Variants in MAF observed in about 807,000 individuals in gnomAD.
The protein encoded by MAF is MAF bZIP transcription factor.
MAF carries 10 observed loss-of-function variants against 22.0 expected under a neutral mutation model. The ratio of observed to expected loss-of-function variants is 0.45; its 90% confidence interval spans 0.28 to 0.77. The LOEUF is 0.77. MAF is among the 30% of genes least tolerant of loss of function. MAF has a pLI of 0.12. For missense variants in MAF, 544 were observed against 548.4 expected, an observed-to-expected ratio of 0.99 and a Z score of 0.08; for synonymous variants, 337 against 255.8, an observed-to-expected ratio of 1.32 and a Z score of -3.03.
chr16:79,458,109 A>T, the MAF span, among the ~76,000 whole-genome samples: 109 of 136,410 alleles, frequency 8.0e-4, no homozygotes, highest in Middle Eastern at 3.8e-3. Flanking sequence ...GGTATGTATA[A>T]GTGTGTGTGT....
At chr16:79,580,610 G>C in the MAF span, among the ~76,000 whole-genome samples, 1 of 152,076 alleles carries the variant, frequency 6.6e-6, no homozygotes. Context: ...AGAACAGCTG[G>C]GATCCCTCAG....
At chr16:79,251,078 C>A in the MAF span, among the ~76,000 whole-genome samples, 2 of 125,596 alleles carry the variant, frequency 1.6e-5, no homozygotes, top group African/African-American at 2.9e-5. Flanking sequence ...ATATTAGATT[C>A]CCCCCGTTTC....
At chr16:79,317,752 T>G in the MAF span, among the ~76,000 whole-genome samples, 2 of 152,188 alleles carry the variant, frequency 1.3e-5, no homozygotes, top group African/African-American at 4.8e-5. Flanking sequence ...GGCTGCCGAT[T>G]TGCTCTGGGC....
chr16:79,391,199 T>C, the MAF span, among the ~76,000 whole-genome samples: 2 of 152,236 alleles, frequency 1.3e-5, no homozygotes, highest in Non-Finnish European at 2.9e-5. Context: ...GGGCAAATTG[T>C]TCAACCTCTG....
chr16:79,561,039 A>G, the MAF span, among the ~76,000 whole-genome samples: 2 of 152,084 alleles, frequency 1.3e-5, no homozygotes, highest in Non-Finnish European at 2.9e-5. Context: ...CAAAACTTAG[A>G]TTTTTAGTCT....
the MAF span, among the ~76,000 whole-genome samples, chr16:79,462,314 C>T: frequency 6.6e-6 from 1 of 152,164 alleles, no homozygotes; most frequent in African/African-American, 2.4e-5. Context: ...GAGGTCTAAC[C>T]CAACAGGATG....
At chr16:79,315,013 G>C in the MAF span, among the ~76,000 whole-genome samples, 5 of 152,134 alleles carry the variant, frequency 3.3e-5, no homozygotes, top group African/African-American at 1.2e-4. Context: ...TGAAGACGGG[G>C]GCCCTTGCTG....
At chr16:79,568,056 G>C in the MAF span, among the ~76,000 whole-genome samples, 1 of 152,096 alleles carries the variant, frequency 6.6e-6, no homozygotes, top group Non-Finnish European at 1.5e-5. Context: ...TAATCACCTC[G>C]GAAAGCAAAA....
chr16:79,555,841 A>G, the MAF span, among the ~76,000 whole-genome samples: 4 of 152,230 alleles, frequency 2.6e-5, no homozygotes, highest in Admixed American at 6.5e-5. Flanking sequence ...ACAGATATAG[A>G]TAACTTTGAG....
chr16:79,530,275 G>A, the MAF span, among the ~76,000 whole-genome samples: 4 of 152,108 alleles, frequency 2.6e-5, no homozygotes, highest in Non-Finnish European at 4.4e-5. Flanking sequence ...TGGGTTTTCC[G>A]TGGTCTCAGG....
chr16:79,510,291 T>C, the MAF span, among the ~76,000 whole-genome samples: 2 of 152,214 alleles, frequency 1.3e-5, no homozygotes, highest in Admixed American at 1.3e-4. Context: ...TTCATTGCTC[T>C]CATTTGGAAA....
the MAF span, among the ~76,000 whole-genome samples, chr16:79,210,503 T>C: frequency 6.6e-6 from 1 of 152,278 alleles, no homozygotes; most frequent in South Asian, 2.1e-4. Flanking sequence ...CAAAGTTCCT[T>C]AGTGTTTTCC....
chr16:79,436,374 C>T, the MAF span, among the ~76,000 whole-genome samples: 28 of 152,270 alleles, frequency 1.8e-4, no homozygotes, highest in East Asian at 1.9e-4. Flanking sequence ...TGAGCCACCG[C>T]GTCTGGCTGA....
the MAF span, among the ~76,000 whole-genome samples, chr16:79,434,986 C>A: frequency 6.6e-6 from 1 of 151,998 alleles, no homozygotes; most frequent in Non-Finnish European, 1.5e-5. Context: ...GGCCCAGATC[C>A]GGCTGCTTAT....
At chr16:79,513,342 A>G in the MAF span, among the ~76,000 whole-genome samples, 7 of 152,260 alleles carry the variant, frequency 4.6e-5, no homozygotes, top group Admixed American at 3.3e-4. Flanking sequence ...GCGTGTCACA[A>G]AACCTTGCAG....
chr16:79,425,715 G>A, the MAF span, among the ~76,000 whole-genome samples: 40,271 of 138,134 alleles, frequency 0.29, 7,148 homozygotes, highest in Non-Finnish European at 0.41. Context: ...GACTTACTCT[G>A]TACCCAGCAC....
the MAF span, among the ~76,000 whole-genome samples, chr16:79,367,594 C>T: frequency 2.6e-5 from 4 of 152,192 alleles, no homozygotes; most frequent in African/African-American, 9.6e-5. Context: ...CAACTCTCTG[C>T]AGTGATGGAA....
the MAF span, among the ~76,000 whole-genome samples, chr16:79,493,025 C>A: frequency 6.6e-6 from 1 of 151,986 alleles, no homozygotes; most frequent in Non-Finnish European, 1.5e-5. Flanking sequence ...GTGGCACAAC[C>A]TCAGCTCACT....
At chr16:79,482,979 TC>T in the MAF span, among the ~76,000 whole-genome samples, 3 of 32,062 alleles carry the variant, frequency 9.4e-5, no homozygotes, top group African/African-American at 4.1e-4. Context: ...CCTCCTTCCC[TC>T]CCTCCCCTCC....
Sources: gnomAD v4.1 joint callset for allele counts (sites outside exome capture counted in the v4.1 genomes callset) on GRCh38, gnomAD v4.1.1 for gene constraint, MANE v1.5 for transcripts, NCBI Gene and HGNC (gene_info 2026-07-23, HGNC 2026-07-21) for gene names.